The following CENPI variants were observed in gnomAD, a reference collection of about 807,000 sequenced individuals.
The protein encoded by CENPI is centromere protein I.
A neutral mutation model predicts 60.4 loss-of-function variants in CENPI; 4 were observed. The observed-to-expected ratio is 0.07, with a 90% CI of 0.03 to 0.15. CENPI has a LOEUF of 0.15. Among genes scored for constraint, CENPI ranks in the 10% least tolerant of loss-of-function variants. The pLI is 1.00. For missense variants in CENPI, 444 were observed against 534.5 expected, an observed-to-expected ratio of 0.83 and a Z score of 1.67; for synonymous variants, 157 against 189.4, an observed-to-expected ratio of 0.83 and a Z score of 1.40.
At chrX:101,175,627 G>A in the CENPI span, among the ~76,000 whole-genome samples, 1 of 112,013 alleles carries the variant, frequency 8.9e-6, no homozygotes, top group African/African-American at 3.2e-5. Context: ...AGGTTGGACA[G>A]TAATTGAGCC....
At position 101,102,318 on chromosome X, in the gene CENPI, C is replaced by T. The variant is rs755581582; in HGVS notation, c.271C>T (p.His91Tyr). The change falls in exon 4 of 22, where the codon CAC (histidine) becomes TAC (tyrosine). Residue 91 changes from histidine (H) to tyrosine (Y), a missense_variant. By Grantham distance (83) the His-to-Tyr change is moderately conservative (BLOSUM62 2). Coordinates refer to ENST00000682095, the MANE Select transcript of CENPI (RefSeq NM_001386188.2). ...SQNKDKTLEK[H>Y]LKTVENVAWK... The stretch of plus-strand genomic sequence containing the variant: ...GAATAAAGATAAAACCTTGGAAAAA[C>T]ACTTGAAAACTGTGGAAAATGTGGC... 1 of 1,192,574 alleles carries T rather than the reference C, an allele frequency of 8.4e-7. No individual in the cohort carries two copies. The highest frequency in any genetic ancestry group is 1.1e-6 in the Non-Finnish European group (1 of 881,391).
At chrX:101,123,898 G>A (rs1036886143) in intron 8 of CENPI, among the ~76,000 whole-genome samples, 1 of 111,787 alleles carries the variant, frequency 8.9e-6, no homozygotes, top group Non-Finnish European at 1.9e-5. Flanking sequence ...GCTTGGTAAA[G>A]CTTATTTGTT....
At position 101,127,512 on chromosome X, in the gene CENPI, C is replaced by T. The variant is rs770228483; in HGVS notation, c.921C>T (p.Leu307=). 2 of 1,173,064 alleles carry T rather than the reference C, an allele frequency of 1.7e-6. No individual in the cohort carries two copies. The highest frequency in any genetic ancestry group is 2.3e-6 in the Non-Finnish European group (2 of 876,093). The change falls in exon 11 of 22, where the codon CTC becomes CTT. Residue 307 remains leucine (L), a synonymous_variant. Coordinates refer to ENST00000682095, the MANE Select transcript of CENPI (RefSeq NM_001386188.2). ...TCTTTCTTCAGAAGTGGAATTCTCT[C>T]TCAGTTATACCAGTGCTCAATTCCA... ...VRPLKRKWNS[L]SVIPVLNSSS...
chrX:101,179,622 G>A, the CENPI span, among the ~76,000 whole-genome samples: 1 of 110,095 alleles, frequency 9.1e-6, no homozygotes, highest in African/African-American at 3.3e-5. Context: ...CCAGGTTCAC[G>A]CCATTCTCCT....
At chrX:101,162,710 C>T (rs1040207660) in intron 21 of CENPI, 123 bp from the exon 22 acceptor site, 1 of 720,144 alleles carries the variant, frequency 1.4e-6, no homozygotes, top group African/African-American at 2.2e-5. Context: ...TCATTTCCCC[C>T]CCGAACTAAT....
the CENPI span, among the ~76,000 whole-genome samples, chrX:101,171,799 T>G: frequency 9.0e-6 from 1 of 111,646 alleles, no homozygotes; most frequent in African/African-American, 3.3e-5. Flanking sequence ...GGCAGTGATA[T>G]CTTAGCTATG....
chrX:101,147,266 T>C (rs1405372867), intron 18 of CENPI, among the ~76,000 whole-genome samples: 1 of 110,631 alleles, frequency 9.0e-6, no homozygotes, highest in African/African-American at 3.3e-5. Flanking sequence ...GTGCAGAACG[T>C]GCAGGTTTGT....
chrX:101,151,588 T>C (rs373956046), intron 20 of CENPI, among the ~76,000 whole-genome samples: 1 of 111,116 alleles, frequency 9.0e-6, no homozygotes, highest in East Asian at 2.8e-4. Context: ...TCGCAGCACT[T>C]TGGGAGGCCA....
Position 101,114,120 on chromosome X carries a change from G to A in CENPI, c.591+4122G>A, listed in dbSNP as rs373012439. On this transcript the variant is annotated intron_variant, in intron 6 of 21. Transcript: ENST00000682095. ...AAAAATACAAAAATTAGCCAGGCAT[G>A]GTGACAGGCACCTCTAATCCTAGCT... 2.8e-4 allele frequency among the ~76,000 whole-genome samples: 31 copies of A among 111,763 alleles called. No individual in the cohort carries two copies. The East Asian group carries it at 7.3e-3, about 26-fold the overall frequency.
chrX:101,161,578 A>G lies in CENPI; in HGVS notation c.2136+9A>G. 8.4e-7 allele frequency: 1 copy of G among 1,187,784 alleles called. No homozygotes were observed. Among genetic ancestry groups the G allele is most frequent in the Non-Finnish European group, 1.1e-6 (1 of 874,425 alleles). On this transcript the variant is annotated intron_variant, in intron 21 of 21. Transcript: ENST00000682095. The stretch of plus-strand genomic sequence containing the variant: ...ATGTGAGCTCTATTCGGGTAAATAA[A>G]TTTACTTTCATCGTGTTGAGGGATT...
At chrX:101,150,942 T>TGC (rs1436805960) in intron 20 of CENPI, among the ~76,000 whole-genome samples, 1 of 111,531 alleles carries the variant, frequency 9.0e-6, no homozygotes, top group Non-Finnish European at 1.9e-5. Context: ...TGTGTGTGTG[T>TGC]GCTTCTTCCT....
intron 6 of CENPI, among the ~76,000 whole-genome samples, chrX:101,114,496 AC>A (rs1240472738): frequency 9.0e-6 from 1 of 111,714 alleles, no homozygotes; most frequent in African/African-American, 3.2e-5. Context: ...GCTCTAAGCA[AC>A]CCCTAATCTA....
chrX:101,174,964 G>A, the CENPI span, among the ~76,000 whole-genome samples: 2 of 110,642 alleles, frequency 1.8e-5, no homozygotes, highest in African/African-American at 6.6e-5. Context: ...AAAGTTAGCC[G>A]GGCATGGTGG....
chrX:101,137,103 A>G (rs1259232882), intron 15 of CENPI, among the ~76,000 whole-genome samples: 1 of 110,435 alleles, frequency 9.1e-6, no homozygotes, highest in Non-Finnish European at 1.9e-5. Context: ...TGTAGAGACA[A>G]GGTCTCACTA....
At chrX:101,166,157 C>G (rs751313105), downstream of CENPI, among the ~76,000 whole-genome samples, 8 of 107,878 alleles carry the variant, frequency 7.4e-5, 1 homozygote, top group East Asian at 2.3e-3. Flanking sequence ...TCTCTTTTAA[C>G]TTTTTTTTTT....
At chrX:101,124,678 G>T (rs2089715899) in intron 8 of CENPI, among the ~76,000 whole-genome samples, 1 of 111,182 alleles carries the variant, frequency 9.0e-6, no homozygotes, top group East Asian at 2.8e-4. Flanking sequence ...CTATTCTTGT[G>T]ATAGTGAGTG....
intron 2 of CENPI, chrX:101,099,803 T>G (rs1466842964): frequency 1.3e-4 from 14 of 105,634 alleles, no homozygotes; most frequent in African/African-American, 4.5e-4. Context: ...TTTTTTTTTT[T>G]TTTAGACAAA....
At chrX:101,177,692 A>T in the CENPI span, among the ~76,000 whole-genome samples, 54,022 of 110,643 alleles carry the variant, frequency 0.49, 9,844 homozygotes, top group African/African-American at 0.6. Flanking sequence ...GTGGAGGCAG[A>T]CTGATGTGGT....
intron 20 of CENPI, among the ~76,000 whole-genome samples, chrX:101,151,881 A>G (rs1262725244): frequency 9.2e-6 from 1 of 109,206 alleles, no homozygotes; most frequent in African/African-American, 3.3e-5. Flanking sequence ...AAACAAATAT[A>G]CAGTTCAAAG....
Sources: gnomAD v4.1 joint callset for allele counts (sites outside exome capture counted in the v4.1 genomes callset) on GRCh38, gnomAD v4.1.1 for gene constraint, MANE v1.5 for transcripts, NCBI Gene and HGNC (gene_info 2026-07-23, HGNC 2026-07-21) for gene names.